The following ERBB4 variants were observed in gnomAD, a reference collection of about 807,000 sequenced individuals.
ERBB4 encodes receptor tyrosine-protein kinase erbB-4.
A neutral mutation model predicts 158.0 loss-of-function variants in ERBB4; 42 were observed. That is an observed-to-expected ratio of 0.27 (90% CI 0.21 to 0.34). ERBB4 has a LOEUF of 0.34. Ranked by LOEUF, ERBB4 falls within the 10% of genes least tolerant of loss-of-function variation. ERBB4 has a pLI of 1.00. For missense variants in ERBB4, 1,333 were observed against 1,624.1 expected, an observed-to-expected ratio of 0.82 and a Z score of 3.08; for synonymous variants, 583 against 558.7, an observed-to-expected ratio of 1.04 and a Z score of -0.61.
intron 12 of ERBB4, among the ~76,000 whole-genome samples, chr2:211,684,660 C>T (rs2105976772): frequency 6.6e-6 from 1 of 152,252 alleles, no homozygotes; most frequent in Middle Eastern, 3.4e-3. Context: ...CATTATGAAA[C>T]ATTAGGTTTT....
chr2:212,317,281 A>G (rs1446168364), intron 1 of ERBB4, among the ~76,000 whole-genome samples: 1 of 151,546 alleles, frequency 6.6e-6, no homozygotes, highest in African/African-American at 2.4e-5. Flanking sequence ...GTAGGAGAGT[A>G]AAAGAGCTTT....
At chr2:211,769,311 G>T (rs1295898969) in intron 4 of ERBB4, among the ~76,000 whole-genome samples, 2 of 152,144 alleles carry the variant, frequency 1.3e-5, no homozygotes, top group East Asian at 3.9e-4. Flanking sequence ...CTGGGAAGTT[G>T]CAAACTTTCC....
At chr2:211,491,755 A>G (rs2065348873) in intron 20 of ERBB4, among the ~76,000 whole-genome samples, 1 of 152,090 alleles carries the variant, frequency 6.6e-6, no homozygotes. Context: ...GAATGAGATC[A>G]ATGGAAACGT....
At chr2:212,397,343 C>T (rs533631927) in intron 1 of ERBB4, among the ~76,000 whole-genome samples, 3 of 151,900 alleles carry the variant, frequency 2.0e-5, no homozygotes, top group African/African-American at 7.3e-5. Context: ...CATGGTGGCA[C>T]GCTCCTGCAG....
At chr2:212,321,293 C>G (rs1409510716) in intron 1 of ERBB4, among the ~76,000 whole-genome samples, 2 of 150,500 alleles carry the variant, frequency 1.3e-5, no homozygotes, top group Admixed American at 1.3e-4. Context: ...ACTACAGATT[C>G]ACTAAGGTAA....
chr2:212,143,895 T>C (rs1436998688), intron 1 of ERBB4, among the ~76,000 whole-genome samples: 1 of 151,900 alleles, frequency 6.6e-6, no homozygotes, highest in Non-Finnish European at 1.5e-5. Flanking sequence ...GACGCATGCC[T>C]GTAGTCCCAG....
chr2:212,137,466 C>A (rs528653859), intron 1 of ERBB4, among the ~76,000 whole-genome samples: 1 of 152,064 alleles, frequency 6.6e-6, no homozygotes, highest in Non-Finnish European at 1.5e-5. Context: ...CTAGGGATAA[C>A]GGTCTCCAGC....
At chr2:211,656,030 G>C (rs2071203393) in intron 16 of ERBB4, among the ~76,000 whole-genome samples, 1 of 152,132 alleles carries the variant, frequency 6.6e-6, no homozygotes, top group Admixed American at 6.5e-5. Flanking sequence ...ACACAGATTT[G>C]AATCTCATAA....
rs142160612 is a variant in ERBB4 at position 212,383,927 on chromosome 2, A to G, written c.82+154522T>C. ...TCCTACAGAACTCTGAACACAGTGC[A>G]TTACCCATTGTCATTGCTTGCTTGA... is the stretch of plus-strand genomic sequence containing the variant. On this transcript the variant is annotated intron_variant, in intron 1 of 27. Transcript: ENST00000342788. Among the ~76,000 whole-genome samples, 479 of 151,828 alleles carry G rather than the reference A, an allele frequency of 3.2e-3. 5 individuals are homozygous for G. Among genetic ancestry groups the G allele is most frequent in the Middle Eastern group, 0.01 (3 of 294 alleles).
At chr2:212,103,748 C>A (rs1206046832) in intron 2 of ERBB4, among the ~76,000 whole-genome samples, 1 of 151,538 alleles carries the variant, frequency 6.6e-6, no homozygotes, top group Non-Finnish European at 1.5e-5. Flanking sequence ...TGCACCTCTT[C>A]TATTTACTAC....
At chr2:212,521,525 A>C (rs1692160471) in intron 1 of ERBB4, among the ~76,000 whole-genome samples, 1 of 151,860 alleles carries the variant, frequency 6.6e-6, no homozygotes, top group Admixed American at 6.6e-5. Flanking sequence ...AACGTTTTCT[A>C]ACTTTAAATT....
intron 3 of ERBB4, among the ~76,000 whole-genome samples, chr2:211,867,053 A>C (rs1288449281): frequency 7.5e-6 from 1 of 132,612 alleles, no homozygotes; most frequent in Admixed American, 7.4e-5. Context: ...AAAAAAAAAG[A>C]TCGTGTTCTT....
intron 1 of ERBB4, among the ~76,000 whole-genome samples, chr2:212,469,066 AAAG>A (rs1310982072): frequency 6.6e-6 from 1 of 152,186 alleles, no homozygotes; most frequent in Non-Finnish European, 1.5e-5. Context: ...AGGTGAATCA[AAAG>A]AAATCAAATA....
In ERBB4 at chr2:211,421,929, C is replaced by A. The variant is rs1032809505; in HGVS notation, c.2964+78G>T. 9 of 876,594 alleles carry A rather than the reference C, an allele frequency of 1.0e-5. No individual in the cohort carries two copies. In the East Asian group the frequency reaches 1.9e-4, roughly 19 times the overall value. The allele number at this position is 876,594 out of a possible 1,614,324, so 54.3% of individuals were successfully genotyped here. ...CATGTTTGTGGTCCTTTCCACAGTT[C>A]CAAAGTCCTGATACTACTCATTTTG... On this transcript the variant is annotated intron_variant, in intron 24 of 27. Transcript: ENST00000342788.
At chr2:211,710,800 A>C (rs117963659) in intron 9 of ERBB4, among the ~76,000 whole-genome samples, 3,138 of 152,034 alleles carry the variant, frequency 0.021, 94 homozygotes, top group African/African-American at 0.069. Flanking sequence ...ACCATGTAAG[A>C]CATGCTTTTC....
intron 18 of ERBB4, among the ~76,000 whole-genome samples, chr2:211,620,424 C>T (rs1009148263): frequency 6.6e-6 from 1 of 152,118 alleles, no homozygotes; most frequent in South Asian, 2.1e-4. Context: ...AACTTTTATG[C>T]TACAACATAT....
In ERBB4 at chr2:211,381,624, A is replaced by G. The variant is rs1412721434; in HGVS notation, c.*1991T>C. The G allele has an allele frequency of 8.6e-6, 2 of 231,552 alleles. No homozygotes were observed. The highest frequency in any genetic ancestry group is 4.4e-5 in the African/African-American group (2 of 45,274). 14.3% of individuals were successfully genotyped at this position (231,552 alleles called of 1,614,324 possible). On this transcript the variant is annotated 3_prime_UTR_variant, in exon 28 of 28. Coordinates refer to ENST00000342788, the MANE Select transcript of ERBB4 (RefSeq NM_005235.3). ...TTCCATTTATCTGAGTGTTCCCCAC[A>G]AAACATGGTGCTTTTAGTAGACACA...
At chr2:211,576,950 T>C (rs1457858809) in intron 19 of ERBB4, among the ~76,000 whole-genome samples, 1 of 152,108 alleles carries the variant, frequency 6.6e-6, no homozygotes, top group Non-Finnish European at 1.5e-5. Context: ...GTGTGGATGA[T>C]ACAAATTCCT....
intron 1 of ERBB4, among the ~76,000 whole-genome samples, chr2:212,292,349 A>C (rs2086236905): frequency 6.6e-6 from 1 of 152,048 alleles, no homozygotes; most frequent in Non-Finnish European, 1.5e-5. Context: ...TATTTTGCTA[A>C]ACATCAGAAT....
Sources: gnomAD v4.1 joint callset for allele counts (sites outside exome capture counted in the v4.1 genomes callset) on GRCh38, gnomAD v4.1.1 for gene constraint, MANE v1.5 for transcripts, NCBI Gene and HGNC (gene_info 2026-07-23, HGNC 2026-07-21) for gene names.